MGMT: variants seen among roughly 807,000 people sequenced by gnomAD.
MGMT encodes O-6-methylguanine-DNA methyltransferase.
Under a neutral mutation model 15.9 loss-of-function variants are expected in MGMT, and 14 were observed. That is an observed-to-expected ratio of 0.88 (90% CI 0.58 to 1.37). The LOEUF (loss-of-function observed/expected upper bound fraction) is 1.37, where lower values mean the gene tolerates loss of function less well. MGMT is among the 40% of genes most tolerant of loss of function. MGMT has a pLI of 0.00. For missense variants in MGMT, 282 were observed against 268.1 expected, an observed-to-expected ratio of 1.05 and a Z score of -0.36; for synonymous variants, 130 against 118.2, an observed-to-expected ratio of 1.10 and a Z score of -0.65.
chr10:129,558,230 G>A (rs539479289), intron 2 of MGMT, among the ~76,000 whole-genome samples: 25 of 152,128 alleles, frequency 1.6e-4, no homozygotes, highest in Non-Finnish European at 5.9e-5. Flanking sequence ...ATAACACCTT[G>A]ATTAATAGGC....
At chr10:129,520,935 A>G (rs1298071516) in intron 1 of MGMT, among the ~76,000 whole-genome samples, 1 of 151,570 alleles carries the variant, frequency 6.6e-6, no homozygotes, top group South Asian at 2.1e-4. Flanking sequence ...GTGCGGGTAC[A>G]CAGCCCCTAA....
Position 129,747,231 on chromosome 10 carries a change from A to G in MGMT, c.275-11971A>G, listed in dbSNP as rs1329486827. ...CCATAGACAATTATGTTGTCTGCAA[A>G]TAGGGAGAGTTTGTTTCTTCTTTTC... On this transcript the variant is annotated intron_variant, in intron 3 of 4. Coordinates refer to ENST00000651593, the MANE Select transcript of MGMT (RefSeq NM_002412.5). 2.0e-5 allele frequency among the ~76,000 whole-genome samples: 3 copies of G among 152,124 alleles called. No individual in the cohort carries two copies. In the East Asian group the frequency reaches 5.8e-4, roughly 29 times the overall value.
rs553734874 is a variant in MGMT, at chr10:129,529,905, T to C, written c.-12-6336T>C. ...TCTCATTTTTCTTTTTCCTTTTTTT[T>C]CTTTCTTTTTGTGGGGACAGGGTCT... On this transcript the variant is annotated intron_variant, in intron 1 of 4. Coordinates refer to ENST00000651593, the MANE Select transcript of MGMT (RefSeq NM_002412.5). Among the ~76,000 whole-genome samples the C allele has an allele frequency of 7.3e-5, 11 of 151,236 alleles. No homozygotes were observed. In the South Asian group the frequency reaches 2.1e-3, roughly 29 times the overall value.
At chr10:129,625,388 A>G (rs551273779) in intron 2 of MGMT, among the ~76,000 whole-genome samples, 15 of 152,346 alleles carry the variant, frequency 9.8e-5, no homozygotes, top group African/African-American at 3.4e-4. Flanking sequence ...CATGACACCA[A>G]GATGCCAAGA....
At chr10:129,728,514 A>G (rs957192058) in intron 3 of MGMT, among the ~76,000 whole-genome samples, 1 of 152,056 alleles carries the variant, frequency 6.6e-6, no homozygotes, top group Non-Finnish European at 1.5e-5. Flanking sequence ...TCACTTGTAA[A>G]TTCTGCTTGG....
At chr10:129,671,196 T>C (rs1216943389) in intron 2 of MGMT, among the ~76,000 whole-genome samples, 1 of 152,218 alleles carries the variant, frequency 6.6e-6, no homozygotes, top group African/African-American at 2.4e-5. Flanking sequence ...AGAACACACA[T>C]TCAAAACTGA....
intron 1 of MGMT, among the ~76,000 whole-genome samples, chr10:129,528,470 C>T (rs1300006882): frequency 6.8e-6 from 1 of 147,826 alleles, no homozygotes; most frequent in East Asian, 2.0e-4. Context: ...AGCAGTAGCA[C>T]GGAGGCTGTG....
chr10:129,584,512 A>G (rs1846596416), intron 2 of MGMT, among the ~76,000 whole-genome samples: 1 of 151,956 alleles, frequency 6.6e-6, no homozygotes, highest in African/African-American at 2.4e-5. Context: ...TAAATTGTAC[A>G]GCATGCTGGG....
At chr10:129,737,839 G>A (rs1047925500) in intron 3 of MGMT, among the ~76,000 whole-genome samples, 1 of 152,180 alleles carries the variant, frequency 6.6e-6, no homozygotes, top group Non-Finnish European at 1.5e-5. Flanking sequence ...TGGCCCTGCT[G>A]GGGGGTGCCT....
chr10:129,600,306 T>A (rs551478285), intron 2 of MGMT, among the ~76,000 whole-genome samples: 83 of 152,312 alleles, frequency 5.4e-4, no homozygotes, highest in South Asian at 6.2e-4. Flanking sequence ...CAAACCCACC[T>A]GAATTTCCTT....
intron 2 of MGMT, among the ~76,000 whole-genome samples, chr10:129,558,452 G>A (rs1282985624): frequency 6.6e-6 from 1 of 152,156 alleles, no homozygotes; most frequent in Non-Finnish European, 1.5e-5. Flanking sequence ...TTTGGGATTC[G>A]TGTTTATTAC....
chr10:129,478,341 T>C (rs1845318962), intron 1 of MGMT, among the ~76,000 whole-genome samples: 1 of 152,178 alleles, frequency 6.6e-6, no homozygotes, highest in Admixed American at 6.5e-5. Flanking sequence ...CTCAGAACCA[T>C]ACTCTTTGCT....
intron 1 of MGMT, among the ~76,000 whole-genome samples, chr10:129,515,461 G>T (rs1046826066): frequency 1.1e-4 from 17 of 151,810 alleles, no homozygotes; most frequent in African/African-American, 4.1e-4. Flanking sequence ...CTCATTACTT[G>T]ATAGCACGTG....
chr10:129,642,293 A>C (rs1847336877), intron 2 of MGMT, among the ~76,000 whole-genome samples: 1 of 152,174 alleles, frequency 6.6e-6, no homozygotes, highest in Non-Finnish European at 1.5e-5. Flanking sequence ...GGACAGTCCC[A>C]TTGCCCCAGA....
At chr10:129,681,979 A>G (rs555444218) in intron 2 of MGMT, among the ~76,000 whole-genome samples, 1 of 152,336 alleles carries the variant, frequency 6.6e-6, no homozygotes, top group African/African-American at 2.4e-5. Context: ...CCATAAGCAC[A>G]GGAAACAATG....
At chr10:129,614,315 C>G (rs964396101) in intron 2 of MGMT, among the ~76,000 whole-genome samples, 1 of 152,170 alleles carries the variant, frequency 6.6e-6, no homozygotes, top group Non-Finnish European at 1.5e-5. Context: ...GAGCAAAACC[C>G]GTTTCCCCCA....
chr10:129,571,495 CT>C (rs1564856112), intron 2 of MGMT, among the ~76,000 whole-genome samples: 3 of 152,100 alleles, frequency 2.0e-5, no homozygotes, highest in African/African-American at 7.2e-5. Flanking sequence ...TTGTATGTTC[CT>C]GTAGTACATA....
intron 2 of MGMT, among the ~76,000 whole-genome samples, chr10:129,561,839 TC>T (rs1846282534): frequency 6.6e-6 from 1 of 152,202 alleles, no homozygotes; most frequent in South Asian, 2.1e-4. Flanking sequence ...ATTAAAAACT[TC>T]CTCCATTAGA....
intron 4 of MGMT, among the ~76,000 whole-genome samples, chr10:129,760,090 G>T (rs1254233835): frequency 2.6e-5 from 4 of 152,254 alleles, no homozygotes; most frequent in African/African-American, 9.6e-5. Context: ...CAGCATGGGT[G>T]GGGCAGCGTG....
Sources: gnomAD v4.1 joint callset for allele counts (sites outside exome capture counted in the v4.1 genomes callset) on GRCh38, gnomAD v4.1.1 for gene constraint, MANE v1.5 for transcripts, NCBI Gene and HGNC (gene_info 2026-07-23, HGNC 2026-07-21) for gene names.